The following NEXMIF variants were observed in gnomAD, a reference collection of about 807,000 sequenced individuals.
The protein encoded by NEXMIF is neurite extension and migration factor.
A neutral mutation model predicts 62.1 loss-of-function variants in NEXMIF; 8 were observed. That is an observed-to-expected ratio of 0.13 (90% CI 0.08 to 0.23). The LOEUF is 0.23. Ranked by LOEUF, NEXMIF falls within the 10% of genes least tolerant of loss-of-function variation. The pLI is 1.00. For missense variants in NEXMIF, 976 were observed against 1,113.3 expected (o/e 0.88, Z 1.75); for synonymous variants, 404 against 416.6 (o/e 0.97, Z 0.37).
chrX:74,747,359 G>A (rs1291433095), intron 1 of NEXMIF, among the ~76,000 whole-genome samples: 1 of 111,002 alleles, frequency 9.0e-6, no homozygotes, highest in African/African-American at 3.3e-5. Flanking sequence ...AACACAATGA[G>A]AGATCTATGA....
In NEXMIF at chrX:74,827,543, T is replaced by C. The variant is rs1479378486; in HGVS notation, c.-47-81846A>G. 2.7e-5 allele frequency among the ~76,000 whole-genome samples: 3 copies of C among 112,506 alleles called. No individual in the cohort carries two copies. In the East Asian group the frequency reaches 8.4e-4, roughly 31 times the overall value. On this transcript the variant is annotated intron_variant, in intron 1 of 3. Coordinates refer to ENST00000055682, the MANE Select transcript of NEXMIF (RefSeq NM_001008537.3). ...GCCTTAGTTTCATTGCCCAGGTTCTTGCCTAGTTGATTCCAACTGGACAGG... is the reference window on the plus strand; with the variant it reads ...GCCTTAGTTTCATTGCCCAGGTTCTCGCCTAGTTGATTCCAACTGGACAGG...
At position 74,741,732 on chromosome X, in the gene NEXMIF, C is replaced by T. The variant is rs1353163381; in HGVS notation, c.2825G>A (p.Gly942Asp). The change falls in exon 3 of 4, where the codon GGC becomes GAC. Residue 942 changes from glycine to aspartate, a missense_variant. Physicochemically the swap from Gly to Asp is moderately conservative, Grantham distance 94. Transcript: ENST00000055682. ...TYNPICLNSG[G>D]SNCNKVLYDS... ...ATACAGGACCTTGTTGCAATTACTG[C>T]CACCACTATTGAGACAGATTGGATT... The T allele has an allele frequency of 2.5e-6, 3 of 1,211,014 alleles. No homozygotes were observed. Among genetic ancestry groups the T allele is most frequent in the Non-Finnish European group, 3.4e-6 (3 of 894,894 alleles).
At chrX:74,832,127 G>T (rs1447208209) in intron 1 of NEXMIF, among the ~76,000 whole-genome samples, 2 of 111,783 alleles carry the variant, frequency 1.8e-5, no homozygotes, top group African/African-American at 6.5e-5. Flanking sequence ...CGCCCTCACA[G>T]AATGAGTTTC....
rs576345364 is a variant in NEXMIF, at chrX:74,754,312, A to AT, written c.-47-8616dup. Among the ~76,000 whole-genome samples, 357 of 80,564 alleles carry AT rather than the reference A, an allele frequency of 4.4e-3. 1 individual carries two copies. The highest frequency in any genetic ancestry group is 0.035 in the Middle Eastern group (4 of 113). The allele number at this position is 80,564 out of a possible 115,157, so 70.0% of individuals were successfully genotyped here. A position where few individuals can be genotyped will look rare whatever the true frequency, so the allele number is the denominator to read the frequency against. On this transcript the variant is annotated intron_variant, in intron 1 of 3. Coordinates refer to ENST00000055682, the MANE Select transcript of NEXMIF (RefSeq NM_001008537.3). ...TCTCTTTTTTTATTTTTATTTTTTTATTTTTTTTTTTTGTGAGACGGAGTC... is the reference window on the plus strand; with the variant it reads ...TCTCTTTTTTTATTTTTATTTTTTTATTTTTTTTTTTTTGTGAGACGGAGTC...
intron 1 of NEXMIF, among the ~76,000 whole-genome samples, chrX:74,812,307 T>C (rs1187114741): frequency 8.9e-6 from 1 of 112,033 alleles, no homozygotes; most frequent in South Asian, 3.7e-4. Flanking sequence ...CACATATACA[T>C]ATATCTCTCC....
intron 1 of NEXMIF, among the ~76,000 whole-genome samples, chrX:74,811,622 G>T (rs902797721): frequency 2.7e-5 from 3 of 112,664 alleles, no homozygotes; most frequent in Admixed American, 9.4e-5. Flanking sequence ...AGTCAGGAAC[G>T]AGACTGAGTT....
intron 1 of NEXMIF, among the ~76,000 whole-genome samples, chrX:74,791,605 C>T (rs975188357): frequency 9.0e-6 from 1 of 111,149 alleles, no homozygotes; most frequent in African/African-American, 3.3e-5. Context: ...TCCATCTGGT[C>T]CTGGACTCTT....
At chrX:74,901,030 G>A (rs1232477527) in intron 1 of NEXMIF, among the ~76,000 whole-genome samples, 1 of 111,516 alleles carries the variant, frequency 9.0e-6, no homozygotes, top group Non-Finnish European at 1.9e-5. Flanking sequence ...TTGTTTAATG[G>A]GTACAGAGTT....
intron 1 of NEXMIF, among the ~76,000 whole-genome samples, chrX:74,884,722 C>T (rs1442115350): frequency 9.0e-6 from 1 of 111,600 alleles, no homozygotes; most frequent in East Asian, 2.8e-4. Flanking sequence ...CCACTGTCAA[C>T]ATTAGACAAA....
At chrX:74,796,152 TACA>T (rs2080306893) in intron 1 of NEXMIF, among the ~76,000 whole-genome samples, 6 of 74,469 alleles carry the variant, frequency 8.1e-5, no homozygotes, top group East Asian at 4.0e-4. Context: ...ATTATATATA[TACA>T]TATATATTAT....
At position 74,742,972 on chromosome X, in the gene NEXMIF, T is replaced by C; in HGVS notation, c.1585A>G (p.Arg529Gly). 8.3e-7 allele frequency: 1 copy of C among 1,211,601 alleles called. No homozygotes were observed. The highest frequency in any genetic ancestry group is 1.1e-6 in the Non-Finnish European group (1 of 895,388). Residue 529 changes from arginine to glycine, a missense_variant, in exon 3 of 4, where the codon AGA becomes GGA. Around this residue, in one of 5 missense-constraint regions of NEXMIF, gnomAD observed 639 missense variants for 694.5 expected, o/e 0.92. Transcript: ENST00000055682. ...DDDEWCPKKR[R>G]KVTRKEPPVI... ...GGGGGCTCCTTACGGGTTACTTTTC[T>C]TCTCTTTTTGGGACACCATTCATCA...
chrX:74,814,402 C>G (rs1274229518), intron 1 of NEXMIF, among the ~76,000 whole-genome samples: 1 of 112,219 alleles, frequency 8.9e-6, no homozygotes, highest in Non-Finnish European at 1.9e-5. Context: ...AGTCAACATT[C>G]ACAGTGCTAT....
At chrX:74,913,959 T>A (rs1402838751) in intron 1 of NEXMIF, among the ~76,000 whole-genome samples, 1 of 112,113 alleles carries the variant, frequency 8.9e-6, no homozygotes, top group East Asian at 2.8e-4. Context: ...TCTAGAAACC[T>A]CAGAAAGAAA....
At chrX:74,794,821 C>T (rs898586604) in intron 1 of NEXMIF, among the ~76,000 whole-genome samples, 4 of 112,028 alleles carry the variant, frequency 3.6e-5, no homozygotes, top group Admixed American at 2.8e-4. Flanking sequence ...GGCAATGCCT[C>T]GCCCTGCTTT....
chrX:74,903,718 G>A (rs1347056973), intron 1 of NEXMIF, among the ~76,000 whole-genome samples: 2 of 111,533 alleles, frequency 1.8e-5, no homozygotes, highest in Non-Finnish European at 3.8e-5. Context: ...GACTTTGAGC[G>A]AGCAGGTTAA....
chrX:74,762,946 G>C (rs2080182084), intron 1 of NEXMIF, among the ~76,000 whole-genome samples: 1 of 111,240 alleles, frequency 9.0e-6, no homozygotes, highest in African/African-American at 3.3e-5. Context: ...AGTTTCTTTT[G>C]CTGTGCAGAA....
At chrX:74,836,448 A>G (rs1468795803) in intron 1 of NEXMIF, among the ~76,000 whole-genome samples, 4 of 112,081 alleles carry the variant, frequency 3.6e-5, no homozygotes, top group Non-Finnish European at 7.5e-5. Flanking sequence ...ACAGCATACT[A>G]CTAGGGTATT....
chrX:74,804,478 C>A (rs2080339139), intron 1 of NEXMIF, among the ~76,000 whole-genome samples: 1 of 112,043 alleles, frequency 8.9e-6, no homozygotes, highest in Admixed American at 9.4e-5. Context: ...CTTTCCTGAG[C>A]AGGTGATGGG....
chrX:74,813,523 C>T (rs1172213531), intron 1 of NEXMIF, among the ~76,000 whole-genome samples: 1 of 111,819 alleles, frequency 8.9e-6, no homozygotes, highest in Non-Finnish European at 1.9e-5. Flanking sequence ...AAGTTGAAAC[C>T]AGTGTTCTCT....
Sources: allele counts gnomAD v4.1 joint callset (sites outside exome capture counted in the v4.1 genomes callset), GRCh38; gene constraint gnomAD v4.1.1; regional missense constraint gnomAD v4.1.1; transcripts MANE v1.5; gene names NCBI Gene and HGNC (gene_info 2026-07-23, HGNC 2026-07-21).